Variants in PCNT observed in about 807,000 individuals in gnomAD.
The protein encoded by PCNT is pericentrin.
PCNT carries 319 observed loss-of-function variants against 380.4 expected under a neutral mutation model. The observed-to-expected ratio is 0.84, with a 90% CI of 0.77 to 0.92. The LOEUF is 0.92. Ranked by LOEUF, PCNT falls within the 40% of genes least tolerant of loss-of-function variation. The probability of loss-of-function intolerance (pLI) is 0.00; values close to 1 mark genes in which losing one functional copy is unlikely to be tolerated. For synonymous variants in PCNT, 1,845 were observed against 1,735.2 expected, an observed-to-expected ratio of 1.06 and a Z score of -1.57; for missense variants, 4,400 against 4,255.3, an observed-to-expected ratio of 1.03 and a Z score of -0.95.
Position 46,388,702 on chromosome 21 carries a change from C to T in PCNT, c.3465-40C>T, listed in dbSNP as rs7279052. On this transcript the variant is annotated intron_variant, in intron 17 of 46. Transcript: ENST00000359568. The surrounding 1 kb of genome is among the most constrained non-coding windows in gnomAD (Gnocchi z 4.2). Reference sequence around the variant, plus strand: ...GCATCCAGGGTGGGGGTTCTTATGCCGTGACCAGCTTGCCTGATGATGGGT... The same window carrying T: ...GCATCCAGGGTGGGGGTTCTTATGCTGTGACCAGCTTGCCTGATGATGGGT... The T allele has an allele frequency of 0.13, 213,269 of 1,610,248 alleles. 15,246 individuals are homozygous for T. Among genetic ancestry groups the T allele is most frequent in the East Asian group, 0.22 (9,833 of 44,804 alleles).
rs774010817 is a variant in PCNT, at chr21:46,347,519, G to A, written c.1032+7G>A. ...AAACGCCCAGATAGTAAAGGTACCC[G>A]GGATCGATTCTAAAATGCACGCCTC... is the stretch of plus-strand genomic sequence containing the variant. On this transcript the variant is annotated splice_region_variant and intron_variant, in intron 6 of 46. Coordinates refer to ENST00000359568, the MANE Select transcript of PCNT (RefSeq NM_006031.6). The A allele has an allele frequency of 1.1e-5, 17 of 1,613,736 alleles. No homozygotes were observed. The highest frequency in any genetic ancestry group is 6.7e-5 in the Admixed American group (4 of 60,008).
chr21:46,403,963 TTGTGTGTGTGGTGCCCA>T (rs2086540389), intron 27 of PCNT, among the ~76,000 whole-genome samples: 1 of 95,754 alleles, frequency 1.0e-5, no homozygotes. Context: ...CGTGGGAGAA[TTGTGTGTGTGGTGCCCA>T]CGCGGCGCGT....
rs534552336 is a variant in PCNT at position 46,353,235 on chromosome 21, G to T, written c.1588G>T (p.Ala530Ser). The change falls in exon 10 of 47, where the codon GCT (alanine) becomes TCT (serine). Residue 530 changes from alanine (A) to serine (S), a missense_variant. Physicochemically the swap from Ala to Ser is moderately conservative, Grantham distance 99. Transcript: ENST00000359568. ...TTATTTTGAAAAGAAGTTAAGGGATGCTGAGAAAACTTACCAAGAAGACCT... is the reference window on the plus strand; with the variant it reads ...TTATTTTGAAAAGAAGTTAAGGGATTCTGAGAAAACTTACCAAGAAGACCT... ...RIYFEKKLRD[A>S]EKTYQEDLTL... 1 of 1,614,186 alleles carries T rather than the reference G, an allele frequency of 6.2e-7. No individual in the cohort carries two copies. The highest frequency in any genetic ancestry group is 1.1e-5 in the South Asian group (1 of 91,084).
In PCNT at chr21:46,427,788, G is replaced by T; in HGVS notation, c.7487G>T (p.Arg2496Leu). 6.2e-7 allele frequency: 1 copy of T among 1,613,328 alleles called. No individual in the cohort carries two copies. The highest frequency in any genetic ancestry group is 8.5e-7 in the Non-Finnish European group (1 of 1,180,004). The change falls in exon 34 of 47, where the codon CGT (arginine) becomes CTT (leucine). Residue 2496 changes from arginine (R) to leucine (L), a missense_variant. Arg to Leu is a moderately radical substitution (Grantham distance 102). Transcript: ENST00000359568. ...CTCGAAAGGCTGGAGAAGATCATCC[G>T]TGAGCAGGTGAGTGTCAGCTCTGCC... The part of the protein sequence containing the change: ...SLLERLEKII[R>L]EQGDLQEKSL...
rs572556197 is a variant in PCNT at position 46,438,253 on chromosome 21, C to T, written c.9189C>T (p.Thr3063=). Residue 3063 remains threonine, a synonymous_variant, in exon 41 of 47, where the codon ACC becomes ACT. Transcript: ENST00000359568. The stretch of plus-strand genomic sequence containing the variant: ...TCACAAAAGCGCTCAGCACGGTGAC[C>T]CAGGAGAAGCTGGAGCTGAGCAGAG... ...VSLTKALSTV[T]QEKLELSRAV... The T allele has an allele frequency of 1.4e-5, 23 of 1,614,162 alleles. No individual in the cohort carries two copies. In the South Asian group the frequency reaches 2.5e-4, roughly 18 times the overall value.
intron 3 of PCNT, among the ~76,000 whole-genome samples, chr21:46,335,232 C>T (rs1420308554): frequency 2.6e-5 from 4 of 152,158 alleles, no homozygotes; most frequent in South Asian, 4.1e-4. Flanking sequence ...CCTGGCAGGG[C>T]AGGGAGGCTG....
chr21:46,393,145 G>GCCCCCGCACTCTGTGTGT (rs1280257775), intron 21 of PCNT, among the ~76,000 whole-genome samples: 1 of 152,138 alleles, frequency 6.6e-6, no homozygotes. Flanking sequence ...AAGCCCTGTT[G>GCCCCCGCACTCTGTGTGT]CCCCCGCACT....
chr21:46,434,247 A>G (rs2087877124), intron 38 of PCNT, among the ~76,000 whole-genome samples: 1 of 152,226 alleles, frequency 6.6e-6, no homozygotes, highest in Non-Finnish European at 1.5e-5. Context: ...TTACTAGAAA[A>G]TAGAAAAGAT....
chr21:46,423,163 A>ATT (rs67866533), intron 32 of PCNT, among the ~76,000 whole-genome samples: 6 of 146,494 alleles, frequency 4.1e-5, no homozygotes, highest in Admixed American at 2.0e-4. Context: ...GAAATTGGAG[A>ATT]TTTTTTTTTT....
chr21:46,345,554 G>T (rs902941932), intron 3 of PCNT, among the ~76,000 whole-genome samples: 1 of 152,112 alleles, frequency 6.6e-6, no homozygotes, highest in Non-Finnish European at 1.5e-5. Context: ...TGATTTAAGC[G>T]AGTTTAATAT....
chr21:46,378,736 G>GT (rs1569222765), intron 15 of PCNT, among the ~76,000 whole-genome samples: 1 of 152,222 alleles, frequency 6.6e-6, no homozygotes, highest in Non-Finnish European at 1.5e-5. Context: ...TGCCCTGAGC[G>GT]TTACAGCAAG....
intron 44 of PCNT, among the ~76,000 whole-genome samples, 164 bp from the exon 45 acceptor site, chr21:46,443,646 A>C (rs1267600351): frequency 6.6e-6 from 1 of 152,200 alleles, no homozygotes; most frequent in Non-Finnish European, 1.5e-5. Flanking sequence ...GTTTCTTCCA[A>C]AGCTTTTAAA....
At chr21:46,353,398 T>C (rs1569186270) in intron 10 of PCNT, 72 bp downstream of exon 10, 2 of 1,256,308 alleles carry the variant, frequency 1.6e-6, no homozygotes, top group African/African-American at 1.5e-5. Flanking sequence ...AGGGGTAGTT[T>C]TGTTGGTGAT....
At chr21:46,365,051 C>G (rs1309273934) in intron 14 of PCNT, among the ~76,000 whole-genome samples, 1 of 152,256 alleles carries the variant, frequency 6.6e-6, no homozygotes, top group Non-Finnish European at 1.5e-5. Context: ...GAGGACTCTC[C>G]CTGCCTCTGT....
chr21:46,403,463 CACGT>C, intron 27 of PCNT, among the ~76,000 whole-genome samples: 6 of 130,918 alleles, frequency 4.6e-5, no homozygotes, highest in African/African-American at 1.5e-4. Context: ...GCCCACGCGG[CACGT>C]GCTTGGTGAA....
intron 14 of PCNT, 69 bp from the exon 15 acceptor site, chr21:46,366,515 T>G: frequency 7.5e-7 from 1 of 1,326,392 alleles, no homozygotes; most frequent in Non-Finnish European, 1.1e-6. Flanking sequence ...GGAAACTGAC[T>G]TGGCTTTTGC....
At chr21:46,432,847 C>CCATGT (rs1454267736) in intron 38 of PCNT, among the ~76,000 whole-genome samples, 1 of 152,158 alleles carries the variant, frequency 6.6e-6, no homozygotes, top group Non-Finnish European at 1.5e-5. Context: ...TCTCAAACTT[C>CCATGT]TGACCTCAGG....
chr21:46,324,882 C>T (rs1490621824), intron 1 of PCNT: 141 of 985,386 alleles, frequency 1.4e-4, no homozygotes, highest in Non-Finnish European at 1.6e-4. Context: ...CCGCGCGTTT[C>T]TCGCGGCGTT....
Position 46,357,115 on chromosome 21 carries a change from A to G in PCNT, c.2078A>G (p.Glu693Gly), listed in dbSNP as rs1192044981. 2 of 1,614,008 alleles carry G rather than the reference A, an allele frequency of 1.2e-6. No homozygotes were observed. Among genetic ancestry groups the G allele is most frequent in the Admixed American group, 1.7e-5 (1 of 60,032 alleles). ...CAGACTGAGCTCAAAGAAGAAATTG[A>G]ACTCCTAAAAATAGAAAATAGAAAT... ...LLQTELKEEI[E>G]LLKIENRNLY... is the part of the protein sequence containing the mutation. Residue 693 changes from glutamate to glycine, a missense_variant, in exon 13 of 47, where the codon GAA becomes GGA. Physicochemically the swap from Glu to Gly is moderately conservative, Grantham distance 98 (BLOSUM62 -2). Coordinates refer to ENST00000359568, the MANE Select transcript of PCNT (RefSeq NM_006031.6).
Sources: allele counts gnomAD v4.1 joint callset (sites outside exome capture counted in the v4.1 genomes callset), GRCh38; gene constraint gnomAD v4.1.1; non-coding constraint Gnocchi (gnomAD v3.1); transcripts MANE v1.5; gene names NCBI Gene and HGNC (gene_info 2026-07-23, HGNC 2026-07-21).